TACR2: variants seen among roughly 807,000 people sequenced by gnomAD.
The protein encoded by TACR2 is tachykinin receptor 2, also known as substance-K receptor.
A neutral mutation model predicts 28.9 loss-of-function variants in TACR2; 24 were observed. The ratio of observed to expected loss-of-function variants is 0.83; its 90% CI spans 0.60 to 1.17. The LOEUF (loss-of-function observed/expected upper bound fraction) is 1.17, where lower values mean the gene tolerates loss of function less well. Among genes scored for constraint, TACR2 ranks in the 50% most tolerant of loss-of-function variants. TACR2 has a pLI of 0.00. For missense variants in TACR2, 487 were observed against 524.4 expected, an observed-to-expected ratio of 0.93 and a Z score of 0.70; for synonymous variants, 222 against 212.6, an observed-to-expected ratio of 1.04 and a Z score of -0.38.
rs1564581196 is a variant in TACR2 at position 69,409,939 on chromosome 10, AT to A, written c.588-865del. Among the ~76,000 whole-genome samples, 244 of 109,778 alleles carry A rather than the reference AT, an allele frequency of 2.2e-3. 1 individual carries two copies. Among genetic ancestry groups the A allele is most frequent in the South Asian group, 0.011 (37 of 3,328 alleles). The allele number at this position is 109,778 out of a possible 152,430, so 72.0% of individuals were successfully genotyped here. A position where few individuals can be genotyped will look rare whatever the true frequency, so the allele number is the denominator to read the frequency against. On this transcript the variant is annotated intron_variant, in intron 2 of 4. Coordinates refer to ENST00000373306, the MANE Select transcript of TACR2 (RefSeq NM_001057.3). ...TATATATATATATATATATATATAT[AT>A]ATAATCTGTATCTGTCTGGATGGAT...
intron 4 of TACR2, among the ~76,000 whole-genome samples, chr10:69,405,876 C>T (rs7089343): frequency 0.058 from 8,771 of 152,192 alleles, 760 homozygotes; most frequent in African/African-American, 0.19. Context: ...AAGAGAAATG[C>T]GTGGTGTGGG....
rs1840480663 is a variant in TACR2, at chr10:69,404,102, C to T, written c.*724G>A. On this transcript the variant is annotated 3_prime_UTR_variant, in exon 5 of 5. Coordinates refer to ENST00000373306, the MANE Select transcript of TACR2 (RefSeq NM_001057.3). ...AGGGTGGAAGTCAGTTGCCTTTTAT[C>T]ATCACATTTGCAGTTTTTCTTTTAT... is the stretch of plus-strand genomic sequence containing the variant. 6.6e-6 allele frequency: 1 copy of T among 152,242 alleles called. No homozygotes were observed. Among genetic ancestry groups the T allele is most frequent in the African/African-American group, 2.4e-5 (1 of 41,468 alleles). 9.4% of individuals were successfully genotyped at this position (152,242 alleles called of 1,614,324 possible).
At position 69,416,668 on chromosome 10, in the gene TACR2, C is replaced by T. The variant is rs1209535224; in HGVS notation, c.-345G>A. 2 of 213,878 alleles carry T rather than the reference C, an allele frequency of 9.4e-6. No individual in the cohort carries two copies. Among genetic ancestry groups the T allele is most frequent in the Non-Finnish European group, 1.9e-5 (2 of 107,600 alleles). 13.2% of individuals were successfully genotyped at this position (213,878 alleles called of 1,614,324 possible). On this transcript the variant is annotated 5_prime_UTR_variant, in exon 1 of 5. Coordinates refer to ENST00000373306, the MANE Select transcript of TACR2 (RefSeq NM_001057.3). ...GCTGAAGAGATGGAAGACAGAGATTCCAAGAGGGGACGGGACCAGCCCAGG... is the reference window on the plus strand; with the variant it reads ...GCTGAAGAGATGGAAGACAGAGATTTCAAGAGGGGACGGGACCAGCCCAGG...
rs1338580344 is a variant in TACR2 at position 69,404,083 on chromosome 10, G to C, written c.*743C>G. On this transcript the variant is annotated 3_prime_UTR_variant, in exon 5 of 5. Transcript: ENST00000373306. The stretch of plus-strand genomic sequence containing the variant: ...TCCCTATTAGCTCAAACTGAGGGTG[G>C]AAGTCAGTTGCCTTTTATCATCACA... 6.6e-6 allele frequency: 1 copy of C among 152,240 alleles called. No homozygotes were observed. Among genetic ancestry groups the C allele is most frequent in the Non-Finnish European group, 1.5e-5 (1 of 68,048 alleles). 9.4% of individuals were successfully genotyped at this position (152,240 alleles called of 1,614,324 possible). A position where few individuals can be genotyped will look rare whatever the true frequency, so the allele number is the denominator to read the frequency against.
At position 69,409,928 on chromosome 10, in the gene TACR2, T is replaced by C. The variant is rs1475407024; in HGVS notation, c.588-853A>G. On this transcript the variant is annotated intron_variant, in intron 2 of 4. Transcript: ENST00000373306. ...ACATATATATATATATATATATATA[T>C]ATATATATATATATAATCTGTATCT... Among the ~76,000 whole-genome samples the C allele has an allele frequency of 1.9e-4, 17 of 89,116 alleles. No individual in the cohort carries two copies. In the East Asian group the frequency reaches 2.7e-3, roughly 14 times the overall value. The allele number at this position is 89,116 out of a possible 152,430, so 58.5% of individuals were successfully genotyped here. A position where few individuals can be genotyped will look rare whatever the true frequency, so the allele number is the denominator to read the frequency against.
At chr10:69,406,983 G>A (rs1029202081) in intron 4 of TACR2, 101 bp downstream of exon 4, 25 of 1,264,952 alleles carry the variant, frequency 2.0e-5, no homozygotes, top group East Asian at 1.5e-4. Flanking sequence ...CACAGGTTCC[G>A]GCAGGAATGA....
At position 69,407,295 on chromosome 10, in the gene TACR2, G is replaced by A; in HGVS notation, c.742-15C>T. 6.3e-7 allele frequency: 1 copy of A among 1,597,998 alleles called. No individual in the cohort carries two copies. The highest frequency in any genetic ancestry group is 8.5e-7 in the Non-Finnish European group (1 of 1,173,022). ...GTCTTCACAAACTGGTCCAGGAGAG[G>A]CTCAAGTTACTTCTTAGTGCCCAAG... On this transcript the variant is annotated splice_polypyrimidine_tract_variant and intron_variant, in intron 3 of 4. Coordinates refer to ENST00000373306, the MANE Select transcript of TACR2 (RefSeq NM_001057.3).
At chr10:69,407,744 CT>C (rs1284321950) in intron 3 of TACR2, among the ~76,000 whole-genome samples, 1 of 152,188 alleles carries the variant, frequency 6.6e-6, no homozygotes, top group Non-Finnish European at 1.5e-5. Flanking sequence ...CCAGGGACCC[CT>C]GCCTCTGCCC....
At chr10:69,409,731 AG>A (rs1228682144) in intron 2 of TACR2, among the ~76,000 whole-genome samples, 2 of 151,756 alleles carry the variant, frequency 1.3e-5, no homozygotes, top group African/African-American at 2.4e-5. Flanking sequence ...AGGTATGTTG[AG>A]GAAAAAAACA....
chr10:69,412,408 G>C (rs1840577009), intron 2 of TACR2, among the ~76,000 whole-genome samples: 2 of 152,146 alleles, frequency 1.3e-5, no homozygotes, highest in Admixed American at 1.3e-4. Context: ...GTGTGGAGCA[G>C]ATAAGAGGGG....
At position 69,408,907 on chromosome 10, in the gene TACR2, C is replaced by A; in HGVS notation, c.741+15G>T. The A allele has an allele frequency of 7.9e-7, 1 of 1,269,814 alleles. No individual in the cohort carries two copies. Among genetic ancestry groups the A allele is most frequent in the South Asian group, 1.9e-5 (1 of 52,524 alleles). The allele number at this position is 1,269,814 out of a possible 1,614,324, so 78.7% of individuals were successfully genotyped here. On this transcript the variant is annotated intron_variant, in intron 3 of 4. Coordinates refer to ENST00000373306, the MANE Select transcript of TACR2 (RefSeq NM_001057.3). ...CCAGGCCCCGCCCCCTCCAGGCCCC[C>A]GCCCCCGCGCCCACCTTCTTCATGG...
intron 4 of TACR2, 25 bp downstream of exon 4, chr10:69,407,059 G>A: frequency 6.2e-7 from 1 of 1,612,092 alleles, no homozygotes; most frequent in Non-Finnish European, 8.5e-7. Context: ...TGAGGGCAGA[G>A]GGTGGGGCTG....
chr10:69,409,922 T>TATATATATAC (rs1840553440), intron 2 of TACR2, among the ~76,000 whole-genome samples: 9 of 90,464 alleles, frequency 9.9e-5, no homozygotes, highest in Non-Finnish European at 8.7e-5. Context: ...TATATATATA[T>TATATATATAC]ATATATATAT....
chr10:69,405,045 T>C lies in TACR2; in HGVS notation c.978A>G (p.Pro326=), dbSNP rs201209276. Residue 326 remains proline (P), a synonymous_variant, in exon 5 of 5, where the codon CCA becomes CCG. Transcript: ENST00000373306. ...TATCTTCCTTGGTGGGTGTGACCCA[T>C]GGGCAGCAGCGGAAGGCAAGCCGGA... The part of the protein sequence containing the change: ...SGFRLAFRCC[P]WVTPTKEDKL... The C allele has an allele frequency of 1.2e-6, 2 of 1,613,904 alleles. No homozygotes were observed. The highest frequency in any genetic ancestry group is 1.7e-5 in the Admixed American group (1 of 60,008).
At position 69,416,262 on chromosome 10, in the gene TACR2, G is replaced by A. The variant is rs540034950; in HGVS notation, c.62C>T (p.Thr21Met). The change falls in exon 1 of 5, where the codon ACG becomes ATG. Residue 21 changes from threonine to methionine, a missense_variant. Physicochemically the swap from Thr to Met is moderately conservative, Grantham distance 81 (BLOSUM62 -1). Coordinates refer to ENST00000373306, the MANE Select transcript of TACR2 (RefSeq NM_001057.3). ...NISSGPESNT[T>M]GITAFSMPSW... is the part of the protein sequence containing the mutation. ...GGGCATGGAGAAGGCTGTGATGCCC[G>A]TGGTGTTGCTCTCAGGGCCAGATGA... The A allele has an allele frequency of 1.1e-5, 17 of 1,612,814 alleles. No individual in the cohort carries two copies. Among genetic ancestry groups the A allele is most frequent in the African/African-American group, 2.7e-5 (2 of 74,928 alleles).
At position 69,409,022 on chromosome 10, in the gene TACR2, A is replaced by G. The variant is rs144577707; in HGVS notation, c.641T>C (p.Phe214Ser). The change falls in exon 3 of 5, where the codon TTT becomes TCT. Residue 214 changes from phenylalanine to serine, a missense_variant. Transcript: ENST00000373306. ...LIYFLPLAVM[F>S]VAYSVIGLTL... ...GAGGCCGATGACGCTGTAGGCTACA[A>G]ACATCACCGCGAGCGGCAGGAAGTA... 2,092 of 1,608,250 alleles carry G rather than the reference A, an allele frequency of 1.3e-3. 8 individuals carry two copies. The highest frequency in any genetic ancestry group is 1.2e-3 in the Middle Eastern group (7 of 5,994).
At position 69,416,020 on chromosome 10, in the gene TACR2, C is replaced by G. The variant is rs765581020; in HGVS notation, c.304G>C (p.Gly102Arg). 6.2e-7 allele frequency: 1 copy of G among 1,614,214 alleles called. No homozygotes were observed. The highest frequency in any genetic ancestry group is 8.5e-7 in the Non-Finnish European group (1 of 1,180,046). The change falls in exon 1 of 5, where the codon GGC (glycine) becomes CGC (arginine). Residue 102 changes from glycine (G) to arginine (R), a missense_variant. Gly to Arg is a moderately radical substitution (Grantham distance 125). Coordinates refer to ENST00000373306, the MANE Select transcript of TACR2 (RefSeq NM_001057.3). ...TTCTGGAAGTAGCAGAAGGCACGGC[C>G]AAAGTACCAGATGTTGTGGCTGGCA... The part of the protein sequence containing the change: ...VYASHNIWYF[G>R]RAFCYFQNLF...
intron 2 of TACR2, among the ~76,000 whole-genome samples, chr10:69,411,257 A>C (rs1840567187): frequency 6.6e-6 from 1 of 152,204 alleles, no homozygotes; most frequent in Non-Finnish European, 1.5e-5. Flanking sequence ...CCACCTTTGC[A>C]AAAATAACGA....
chr10:69,410,070 T>C (rs4603200), intron 2 of TACR2, among the ~76,000 whole-genome samples: 86,812 of 151,374 alleles, frequency 0.57, 25,573 homozygotes, highest in South Asian at 0.7. Flanking sequence ...CATCTGCTTA[T>C]GGTTTATCAG....
Sources: allele counts gnomAD v4.1 joint callset (sites outside exome capture counted in the v4.1 genomes callset), GRCh38; gene constraint gnomAD v4.1.1; transcripts MANE v1.5; gene names NCBI Gene and HGNC (gene_info 2026-07-23, HGNC 2026-07-21).